SPECC1: variants seen among roughly 807,000 people sequenced by gnomAD.
SPECC1 encodes the protein cytospin-B.
SPECC1 carries 62 observed loss-of-function variants against 104.1 expected under a neutral mutation model. That is an observed-to-expected ratio of 0.60 (90% CI 0.49 to 0.74). SPECC1 has a LOEUF of 0.74. Among genes scored for constraint, SPECC1 ranks in the 30% least tolerant of loss-of-function variants. SPECC1 has a pLI of 0.00. For synonymous variants in SPECC1, 513 were observed against 501.6 expected (o/e 1.02, Z -0.30); for missense variants, 1,306 against 1,310.5 (o/e 1.00, Z 0.05).
intron 1 of SPECC1, among the ~76,000 whole-genome samples, chr17:20,045,028 T>C (rs889452676): frequency 6.6e-6 from 1 of 152,278 alleles, no homozygotes; most frequent in African/African-American, 2.4e-5. Flanking sequence ...GAATTTTCTT[T>C]TTCCAAAAAG....
At chr17:20,153,023 C>A (rs1421936140) in intron 3 of SPECC1, among the ~76,000 whole-genome samples, 2 of 152,184 alleles carry the variant, frequency 1.3e-5, no homozygotes, top group Non-Finnish European at 2.9e-5. Flanking sequence ...CTTATGACCT[C>A]ATTTAACCTT....
intron 3 of SPECC1, among the ~76,000 whole-genome samples, chr17:20,110,809 C>G (rs1461526972): frequency 6.6e-6 from 1 of 152,030 alleles, no homozygotes; most frequent in Non-Finnish European, 1.5e-5. Flanking sequence ...CTTCGGAGGT[C>G]CATTTGTCAC....
intron 1 of SPECC1, among the ~76,000 whole-genome samples, chr17:20,037,488 CTT>C (rs1240097367): frequency 7.1e-6 from 1 of 141,416 alleles, no homozygotes; most frequent in Non-Finnish European, 1.6e-5. Flanking sequence ...TCCAGTGCTT[CTT>C]TTTTTTTTTT....
At chr17:20,211,362 C>T (rs932212746) in intron 4 of SPECC1, among the ~76,000 whole-genome samples, 1 of 152,204 alleles carries the variant, frequency 6.6e-6, no homozygotes, top group African/African-American at 2.4e-5. Context: ...GGCCTGTTTT[C>T]CAGCTCCCCT....
chr17:20,246,334 A>G (rs998359510), intron 8 of SPECC1, among the ~76,000 whole-genome samples: 2 of 152,048 alleles, frequency 1.3e-5, no homozygotes, highest in African/African-American at 2.4e-5. Context: ...CTGCCTTGCT[A>G]CCTTTCTTTT....
At chr17:20,041,916 C>T (rs567807825) in intron 1 of SPECC1, among the ~76,000 whole-genome samples, 1 of 152,220 alleles carries the variant, frequency 6.6e-6, no homozygotes, top group Admixed American at 6.5e-5. Flanking sequence ...TGAGCCACCG[C>T]GCCCAGCCTG....
intron 3 of SPECC1, among the ~76,000 whole-genome samples, chr17:20,142,490 T>A (rs1348660610): frequency 6.6e-6 from 1 of 152,158 alleles, no homozygotes; most frequent in Admixed American, 6.6e-5. Context: ...AGGCCAGCCT[T>A]AAAAAGAAAG....
Position 20,056,885 on chromosome 17 carries a change from G to T in SPECC1, c.-21-39746G>T, listed in dbSNP as rs555334917. ...ATTTATAGGAGAGATCTTATTGTTG[G>T]TGATCTTTGATAGTATCTATAGCCC... On this transcript the variant is annotated intron_variant, in intron 1 of 14. Transcript: ENST00000395527. 2.0e-4 allele frequency among the ~76,000 whole-genome samples: 31 copies of T among 152,178 alleles called. 1 individual carries two copies. The highest frequency in any genetic ancestry group is 6.5e-4 in the African/African-American group (27 of 41,526).
At position 20,167,203 on chromosome 17, in the gene SPECC1, TTATATA is replaced by T. The variant is rs1216480701; in HGVS notation, c.284-37125_284-37120del. On this transcript the variant is annotated intron_variant, in intron 3 of 14. Transcript: ENST00000395527. The stretch of plus-strand genomic sequence containing the variant: ...TAATATGTTAGCTACATATATGTGT[TTATATA>T]TATACTATATATATAATGTATATAA... Among the ~76,000 whole-genome samples, 8 of 148,118 alleles carry T rather than the reference TTATATA, an allele frequency of 5.4e-5. No homozygotes were observed. In the East Asian group the frequency reaches 1.6e-3, roughly 29 times the overall value.
At chr17:20,121,350 G>T (rs1037486534) in intron 3 of SPECC1, among the ~76,000 whole-genome samples, 4 of 123,676 alleles carry the variant, frequency 3.2e-5, no homozygotes, top group Non-Finnish European at 7.2e-5. Context: ...TTCCAAAAAA[G>T]AATTCTGAAT....
At chr17:20,271,843 C>A (rs1021196385) in intron 12 of SPECC1, among the ~76,000 whole-genome samples, 1 of 150,954 alleles carries the variant, frequency 6.6e-6, no homozygotes, top group African/African-American at 2.4e-5. Flanking sequence ...TTTATGACCT[C>A]GCATCTTTGT....
At chr17:20,274,084 TA>T (rs1567599336) in intron 12 of SPECC1, among the ~76,000 whole-genome samples, 1 of 152,242 alleles carries the variant, frequency 6.6e-6, no homozygotes, top group African/African-American at 2.4e-5. Context: ...TATATACAAA[TA>T]CACACACCCT....
chr17:20,048,245 T>A (rs1597613067), intron 1 of SPECC1, among the ~76,000 whole-genome samples: 1 of 151,608 alleles, frequency 6.6e-6, no homozygotes, highest in Middle Eastern at 3.4e-3. Context: ...GCCATTCTCC[T>A]GCCTCAGCTT....
At chr17:20,292,342 T>TG (rs1598153456) in intron 12 of SPECC1, among the ~76,000 whole-genome samples, 2 of 151,826 alleles carry the variant, frequency 1.3e-5, no homozygotes, top group South Asian at 2.1e-4. Flanking sequence ...ATCTTTTTTT[T>TG]TGGGGGGGGG....
intron 14 of SPECC1, among the ~76,000 whole-genome samples, chr17:20,308,202 A>G (rs568991277): frequency 2.0e-4 from 30 of 152,216 alleles, no homozygotes; most frequent in African/African-American, 5.1e-4. Context: ...AGCCTGGCCA[A>G]CATTGTGAAA....
At chr17:20,311,634 C>T (rs1049985537) in intron 14 of SPECC1, among the ~76,000 whole-genome samples, 1 of 152,242 alleles carries the variant, frequency 6.6e-6, no homozygotes, top group Non-Finnish European at 1.5e-5. Flanking sequence ...CTCAGGTGAT[C>T]CACCCGCCTC....
intron 3 of SPECC1, among the ~76,000 whole-genome samples, chr17:20,183,397 C>G (rs1567911897): frequency 6.6e-6 from 1 of 152,152 alleles, no homozygotes; most frequent in Non-Finnish European, 1.5e-5. Flanking sequence ...CTTAACGTTG[C>G]AAATGTAGGA....
chr17:20,216,664 C>G (rs950320475), intron 4 of SPECC1, among the ~76,000 whole-genome samples: 12 of 152,134 alleles, frequency 7.9e-5, no homozygotes, highest in African/African-American at 2.9e-4. Context: ...GTGGCTTTCT[C>G]TGTCCTCTCT....
rs2040273254 is a variant in SPECC1, at chr17:20,267,999, AGCTACCCTTCACCTCCATGGGT to A, written c.2940+7707_2940+7728del. ...CCTCCCAGGAGGCATGATGAGGCAC[AGCTACCCTTCACCTCCATGGGT>A]GGCATGAAGATACTTGCAAGTATCT... On this transcript the variant is annotated intron_variant, in intron 12 of 14. Coordinates refer to ENST00000395527, the MANE Select transcript of SPECC1 (RefSeq NM_001243439.2). 2.0e-5 allele frequency among the ~76,000 whole-genome samples: 3 copies of A among 152,226 alleles called. No individual in the cohort carries two copies. The South Asian group carries it at 6.2e-4, about 31-fold the overall frequency.
Sources: allele counts gnomAD v4.1 joint callset (sites outside exome capture counted in the v4.1 genomes callset), GRCh38; gene constraint gnomAD v4.1.1; transcripts MANE v1.5; gene names NCBI Gene and HGNC (gene_info 2026-07-23, HGNC 2026-07-21).